The following GYS1 variants were observed in gnomAD, a reference collection of about 807,000 sequenced individuals.
The protein encoded by GYS1 is glycogen synthase 1, also known as glycogen [starch] synthase, muscle.
Under a neutral mutation model 89.1 loss-of-function variants are expected in GYS1, and 60 were observed. The observed-to-expected ratio is 0.67, with a 90% CI of 0.55 to 0.84. The LOEUF (loss-of-function observed/expected upper bound fraction) is 0.84. Ranked by LOEUF, GYS1 falls within the 40% of genes least tolerant of loss-of-function variation. GYS1 has a pLI of 0.00. For missense variants in GYS1, 888 were observed against 1,003.1 expected (o/e 0.89, Z 1.55); for synonymous variants, 366 against 401.7 (o/e 0.91, Z 1.06).
rs777768883 is a variant in GYS1, at chr19:48,974,732, C to T, written c.1310G>A (p.Arg437Gln). 7 of 1,605,756 alleles carry T rather than the reference C, an allele frequency of 4.4e-6. No homozygotes were observed. Among genetic ancestry groups the T allele is most frequent in the East Asian group, 4.5e-5 (2 of 44,818 alleles). ...GGTGCACACAGGGGGGAAAGACTGC[C>T]GCTGCAGGAGCCACAAGAAGGGTAA... ...MMKRAIFATQRQSFPPVCTHN... is the reference protein window; with the variant it reads ...MMKRAIFATQQQSFPPVCTHN... The change falls in exon 11 of 16, where the codon CGG (arginine) becomes CAG (glutamine). Residue 437 changes from arginine to glutamine, a missense_variant and splice_region_variant. Transcript: ENST00000323798.
Position 48,980,706 on chromosome 19 carries a change from G to C in GYS1, c.1169+824C>G, listed in dbSNP as rs538309110. Among the ~76,000 whole-genome samples the C allele has an allele frequency of 2.6e-5, 4 of 151,798 alleles. No individual in the cohort carries two copies. The East Asian group carries it at 5.8e-4, about 22-fold the overall frequency. ...AAAAGAAAAAGAAACTAAGCCAGGC[G>C]CAGTGGCTCACCCCTGTAATCCCAG... On this transcript the variant is annotated intron_variant, in intron 8 of 15. Coordinates refer to ENST00000323798, the MANE Select transcript of GYS1 (RefSeq NM_002103.5).
chr19:48,982,204 T>G lies in GYS1; in HGVS notation c.1062+51A>C, dbSNP rs749912899. The G allele has an allele frequency of 7.5e-6, 12 of 1,599,780 alleles. No homozygotes were observed. The East Asian group carries it at 2.5e-4, about 33-fold the overall frequency. On this transcript the variant is annotated intron_variant, in intron 7 of 15. Coordinates refer to ENST00000323798, the MANE Select transcript of GYS1 (RefSeq NM_002103.5). The stretch of plus-strand genomic sequence containing the variant: ...CACTGTGCCTGGCTGTTCTCCCTAG[T>G]TATAAACTGCTTTGCTTGCCCTCCC...
chr19:48,982,462 G>C (rs74893260), intron 6 of GYS1, 87 bp from the exon 7 acceptor site: 20 of 1,499,594 alleles, frequency 1.3e-5, no homozygotes, highest in South Asian at 3.4e-5. Flanking sequence ...AGCTATGGGT[G>C]GGGGGGCAGA....
At chr19:48,972,080 C>T (rs1001730709) in intron 12 of GYS1, among the ~76,000 whole-genome samples, 47 of 150,410 alleles carry the variant, frequency 3.1e-4, no homozygotes, top group Non-Finnish European at 5.6e-4. Flanking sequence ...TCTGTAATCC[C>T]AGCACTTTGG....
chr19:48,987,643 TTTC>T (rs2038862823), intron 2 of GYS1, among the ~76,000 whole-genome samples: 1 of 151,262 alleles, frequency 6.6e-6, no homozygotes, highest in African/African-American at 2.5e-5. Context: ...ACTTTCTTTC[TTTC>T]TTTTTTTTGA....
Position 48,974,266 on chromosome 19 carries a change from C to A in GYS1, c.1496G>T (p.Gly499Val), listed in dbSNP as rs1437072901. 1 of 1,613,492 alleles carries A rather than the reference C, an allele frequency of 6.2e-7. No homozygotes were observed. Among genetic ancestry groups the A allele is most frequent in the Non-Finnish European group, 8.5e-7 (1 of 1,179,774 alleles). Residue 499 changes from glycine to valine, a missense_variant, in exon 12 of 16, where the codon GGC (glycine) becomes GTC (valine). Coordinates refer to ENST00000323798, the MANE Select transcript of GYS1 (RefSeq NM_002103.5). ...GGAGGGGAAGACTCCAAGGTGACAG[C>A]CACGGACAAACTCCTCATAGTCCAC... ...LPVDYEEFVR[G>V]CHLGVFPSYY...
chr19:48,985,662 T>C, intron 4 of GYS1, 57 bp from the exon 5 acceptor site: 1 of 1,596,218 alleles, frequency 6.3e-7, no homozygotes, highest in Non-Finnish European at 8.6e-7. Flanking sequence ...ACTCTGGAGG[T>C]CCAGACACTG....
chr19:48,991,253 G>T lies in GYS1; in HGVS notation c.300+49C>A. 6.3e-7 allele frequency: 1 copy of T among 1,587,364 alleles called. No individual in the cohort carries two copies. Among genetic ancestry groups the T allele is most frequent in the Non-Finnish European group, 8.6e-7 (1 of 1,159,588 alleles). ...CCTCTCCGTCTGTGGCTCCCACCCC[G>T]ATGGCAGGCTGTCCACCCGCTTCTG... On this transcript the variant is annotated intron_variant, in intron 2 of 15. Coordinates refer to ENST00000323798, the MANE Select transcript of GYS1 (RefSeq NM_002103.5). The surrounding 1 kb of genome is among the most constrained non-coding windows in gnomAD (Gnocchi z 4.7).
In GYS1 at chr19:48,968,413, T is replaced by C. The variant is rs1000151382; in HGVS notation, c.*875A>G. ...GGTTCCAGATCTAGAAGCCAGGACCTAGAACCTAGTGGTTTCACAGTGGGC... is the reference window on the plus strand; with the variant it reads ...GGTTCCAGATCTAGAAGCCAGGACCCAGAACCTAGTGGTTTCACAGTGGGC... On this transcript the variant is annotated 3_prime_UTR_variant, in exon 16 of 16. Coordinates refer to ENST00000323798, the MANE Select transcript of GYS1 (RefSeq NM_002103.5). 2.2e-6 allele frequency: 1 copy of C among 454,406 alleles called. No individual in the cohort carries two copies. Among genetic ancestry groups the C allele is most frequent in the African/African-American group, 2.0e-5 (1 of 49,990 alleles). 28.1% of individuals were successfully genotyped at this position (454,406 alleles called of 1,614,324 possible). A position where few individuals can be genotyped will look rare whatever the true frequency, so the allele number is the denominator to read the frequency against.
At chr19:48,979,646 CTTT>C (rs56291141) in intron 8 of GYS1, among the ~76,000 whole-genome samples, 1,538 of 114,906 alleles carry the variant, frequency 0.013, 10 homozygotes, top group Non-Finnish European at 0.017. Flanking sequence ...CTCTTTCTTT[CTTT>C]TTTTTTTTTT....
intron 2 of GYS1, among the ~76,000 whole-genome samples, chr19:48,989,481 G>GA (rs35555946): frequency 0.6 from 76,163 of 127,650 alleles, 22,273 homozygotes; most frequent in African/African-American, 0.65. Flanking sequence ...GATTCTATCT[G>GA]AAAAAAAAAA....
chr19:48,974,630 T>C lies in GYS1; in HGVS notation c.1412A>G (p.Asp471Gly), dbSNP rs1306162963. 3 of 1,612,316 alleles carry C rather than the reference T, an allele frequency of 1.9e-6. No homozygotes were observed. The highest frequency in any genetic ancestry group is 2.5e-6 in the Non-Finnish European group (3 of 1,178,402). The change falls in exon 11 of 16, where the codon GAC becomes GGC. Residue 471 changes from aspartate to glycine, a missense_variant. Coordinates refer to ENST00000323798, the MANE Select transcript of GYS1 (RefSeq NM_002103.5). ...RRIGLFNSSA[D>G]RVKVIFHPEF... The stretch of plus-strand genomic sequence containing the variant: ...ACCAAATGCCCTCACCTTCACCCTG[T>C]CGGCACTGCTATTGAAGAGGCCGAT...
rs2038853713 is a variant in GYS1 at position 48,987,136 on chromosome 19, A to C, written c.492+58T>G. 4.0e-6 allele frequency: 5 copies of C among 1,253,674 alleles called. No individual in the cohort carries two copies. The South Asian group carries it at 4.9e-5, about 12-fold the overall frequency. The allele number at this position is 1,253,674 out of a possible 1,614,324, so 77.7% of individuals were successfully genotyped here. Reference sequence around the variant, plus strand: ...CAGGGAGAAGCCCATCCTCTGGCCCAGGGGCTGATGGTCATTGTAGTTTCA... The same window carrying C: ...CAGGGAGAAGCCCATCCTCTGGCCCCGGGGCTGATGGTCATTGTAGTTTCA... On this transcript the variant is annotated intron_variant, in intron 3 of 15. Coordinates refer to ENST00000323798, the MANE Select transcript of GYS1 (RefSeq NM_002103.5).
chr19:48,970,115 C>G (rs183108861), intron 14 of GYS1, among the ~76,000 whole-genome samples: 1 of 152,244 alleles, frequency 6.6e-6, no homozygotes, highest in East Asian at 1.9e-4. Context: ...AATGAGAACG[C>G]CTGACCAATG....
Position 48,969,041 on chromosome 19 carries a change from C to T in GYS1, c.*247G>A. 1.5e-6 allele frequency: 1 copy of T among 657,176 alleles called. No individual in the cohort carries two copies. The highest frequency in any genetic ancestry group is 2.8e-6 in the Non-Finnish European group (1 of 363,274). The allele number at this position is 657,176 out of a possible 1,614,324, so 40.7% of individuals were successfully genotyped here. On this transcript the variant is annotated 3_prime_UTR_variant, in exon 16 of 16. Transcript: ENST00000323798. ...CCTGGCCTCTGGGAAGCGGTCCAGG[C>T]CCAGGGGACTCCAGGGCGCTGATTA...
At chr19:48,973,895 G>A (rs1253331583) in intron 12 of GYS1, among the ~76,000 whole-genome samples, 2 of 152,092 alleles carry the variant, frequency 1.3e-5, no homozygotes, top group Non-Finnish European at 2.9e-5. Flanking sequence ...AACGTCTTAC[G>A]AGGAGACTTG....
intron 12 of GYS1, among the ~76,000 whole-genome samples, chr19:48,972,269 C>T (rs1179374878): frequency 1.3e-5 from 2 of 151,014 alleles, no homozygotes; most frequent in Non-Finnish European, 2.9e-5. Context: ...ACCCGGGAGG[C>T]GGTTGCAGTG....
intron 1 of GYS1, among the ~76,000 whole-genome samples, chr19:48,992,094 C>T (rs979085611): frequency 8.5e-5 from 13 of 152,126 alleles, no homozygotes; most frequent in Non-Finnish European, 1.9e-4. Context: ...ACCCAGGAGC[C>T]CCAGCCCCCA....
intron 10 of GYS1, among the ~76,000 whole-genome samples, chr19:48,975,718 G>A (rs934801203): frequency 6.6e-6 from 1 of 151,760 alleles, no homozygotes; most frequent in African/African-American, 2.4e-5. Context: ...ACGAGGTCAG[G>A]AGATCGAGAC....
Sources: gnomAD v4.1 joint callset for allele counts (sites outside exome capture counted in the v4.1 genomes callset) on GRCh38, gnomAD v4.1.1 for gene constraint, Gnocchi (gnomAD v3.1) non-coding constraint, MANE v1.5 for transcripts, NCBI Gene and HGNC (gene_info 2026-07-23, HGNC 2026-07-21) for gene names.